The following CTDSPL variants were observed in gnomAD, a reference collection of about 807,000 sequenced individuals.
CTDSPL encodes the protein CTD small phosphatase-like protein.
In CTDSPL, 8 loss-of-function variants were observed where a neutral mutation model predicts 30.5. The ratio of observed to expected loss-of-function variants is 0.26; its 90% CI spans 0.15 to 0.47. CTDSPL has a LOEUF of 0.47. Ranked by LOEUF, CTDSPL falls within the 20% of genes least tolerant of loss-of-function variation. The probability of loss-of-function intolerance (pLI) is 0.99; values close to 1 mark genes in which losing one functional copy is unlikely to be tolerated. For missense variants in CTDSPL, 248 were observed against 366.1 expected (o/e 0.68, Z 2.63); for synonymous variants, 110 against 137.9 (o/e 0.80, Z 1.42).
At chr3:37,951,218 A>C (rs1699103759) in intron 2 of CTDSPL, among the ~76,000 whole-genome samples, 1 of 152,028 alleles carries the variant, frequency 6.6e-6, no homozygotes, top group Non-Finnish European at 1.5e-5. Context: ...AATACAAAAA[A>C]TTAGCTGGGC....
intron 1 of CTDSPL, among the ~76,000 whole-genome samples, chr3:37,895,799 C>T (rs1698384060): frequency 1.3e-5 from 2 of 151,912 alleles, no homozygotes; most frequent in African/African-American, 4.8e-5. Context: ...GAGTTTTTAC[C>T]CAGGTATATA....
intron 1 of CTDSPL, among the ~76,000 whole-genome samples, chr3:37,921,971 C>T (rs1698722131): frequency 6.6e-6 from 1 of 152,198 alleles, no homozygotes; most frequent in Non-Finnish European, 1.5e-5. Flanking sequence ...CGGTGGCTCA[C>T]GCCTCTCATC....
In CTDSPL at chr3:37,982,400, A is replaced by G. The variant is rs1699502140; in HGVS notation, c.*1533A>G. On this transcript the variant is annotated 3_prime_UTR_variant, in exon 8 of 8. Coordinates refer to ENST00000273179, the MANE Select transcript of CTDSPL (RefSeq NM_001008392.2). ...TTGACAACAAGACAGTCTGTAAAGT[A>G]TTGCTCTTAAAAACAATTAAAAAGA... The G allele has an allele frequency of 5.2e-6, 2 of 382,194 alleles. No homozygotes were observed. Among genetic ancestry groups the G allele is most frequent in the Non-Finnish European group, 1.0e-5 (2 of 191,570 alleles). 23.7% of individuals were successfully genotyped at this position (382,194 alleles called of 1,614,324 possible). A position where few individuals can be genotyped will look rare whatever the true frequency, so the allele number is the denominator to read the frequency against.
chr3:37,881,815 A>T (rs1429633623), intron 1 of CTDSPL, among the ~76,000 whole-genome samples: 1 of 152,202 alleles, frequency 6.6e-6, no homozygotes, highest in Non-Finnish European at 1.5e-5. Context: ...AATTTATAAT[A>T]GTTATTTTTG....
In CTDSPL at chr3:37,965,342, C is replaced by T. The variant is rs1021828218; in HGVS notation, c.369+670C>T. ...CTTCCTGCTGGAAAAACAGCAGAAACGGCCTCCATGCAGGAAGAGCTGTGG... is the reference window on the plus strand; with the variant it reads ...CTTCCTGCTGGAAAAACAGCAGAAATGGCCTCCATGCAGGAAGAGCTGTGG... On this transcript the variant is annotated intron_variant, in intron 4 of 7. Coordinates refer to ENST00000273179, the MANE Select transcript of CTDSPL (RefSeq NM_001008392.2). 2.6e-5 allele frequency among the ~76,000 whole-genome samples: 4 copies of T among 152,126 alleles called. No individual in the cohort carries two copies. The East Asian group carries it at 7.7e-4, about 29-fold the overall frequency.
intron 1 of CTDSPL, among the ~76,000 whole-genome samples, chr3:37,883,094 G>A (rs1243695497): frequency 2.0e-5 from 3 of 152,228 alleles, no homozygotes; most frequent in Non-Finnish European, 1.5e-5. Context: ...TAAAGAAACT[G>A]AATGTTTAGT....
chr3:37,914,776 T>G (rs1354194454), intron 1 of CTDSPL, among the ~76,000 whole-genome samples: 1 of 152,146 alleles, frequency 6.6e-6, no homozygotes, highest in Non-Finnish European at 1.5e-5. Context: ...CCTTGTCAGA[T>G]TTTTGTGTCA....
rs1347061434 is a variant in CTDSPL at position 37,862,112 on chromosome 3, GCCGCGCCC to G, written c.-77_-70del. ...GCAGCGGCTGCGAGCGCCCCCCCGC[GCCGCGCCC>G]CCGCGCCCCCCGCGCCGCGCCCCCG... On this transcript the variant is annotated 5_prime_UTR_variant, in exon 1 of 8. Coordinates refer to ENST00000273179, the MANE Select transcript of CTDSPL (RefSeq NM_001008392.2). This position sits in a 1 kb window ranked among gnomAD's most constrained non-coding sequence, Gnocchi z 4.3. The G allele has an allele frequency of 1.8e-5, 8 of 441,356 alleles. No homozygotes were observed. Among genetic ancestry groups the G allele is most frequent in the Non-Finnish European group, 2.4e-5 (8 of 338,856 alleles). The allele number at this position is 441,356 out of a possible 1,614,324, so 27.3% of individuals were successfully genotyped here.
chr3:37,864,467 A>G (rs1697984632), intron 1 of CTDSPL, among the ~76,000 whole-genome samples: 1 of 152,106 alleles, frequency 6.6e-6, no homozygotes. Context: ...TTGTTAACCG[A>G]TTAGAGGAAT....
chr3:37,966,968 A>G (rs1009392448), intron 4 of CTDSPL, among the ~76,000 whole-genome samples: 2 of 152,204 alleles, frequency 1.3e-5, no homozygotes, highest in African/African-American at 4.8e-5. Context: ...TCCATTGAGA[A>G]CTGTGTGTAA....
At chr3:37,891,767 C>T (rs573926369) in intron 1 of CTDSPL, among the ~76,000 whole-genome samples, 2 of 152,260 alleles carry the variant, frequency 1.3e-5, no homozygotes, top group Admixed American at 1.3e-4. Flanking sequence ...GGATTGCCAT[C>T]CCTCACCCTA....
At position 37,975,858 on chromosome 3, in the gene CTDSPL, T is replaced by C. The variant is rs770956598; in HGVS notation, c.669T>C (p.Asn223=). 1 of 1,614,144 alleles carries C rather than the reference T, an allele frequency of 6.2e-7. No homozygotes were observed. Among genetic ancestry groups the C allele is most frequent in the African/African-American group, 1.3e-5 (1 of 75,036 alleles). Residue 223 remains asparagine, a synonymous_variant, in exon 7 of 8, where the codon AAT becomes AAC. Coordinates refer to ENST00000273179, the MANE Select transcript of CTDSPL (RefSeq NM_001008392.2). The surrounding 1 kb of genome is among the most constrained non-coding windows in gnomAD (Gnocchi z 4.9). The part of the protein sequence containing the change: ...RELSKVIIVD[N]SPASYIFHPE... ...TGAGCAAAGTGATCATTGTTGACAA[T>C]TCCCCTGCCTCATACATCTTCCATC...
intron 1 of CTDSPL, among the ~76,000 whole-genome samples, chr3:37,886,135 G>A (rs115642083): frequency 2.7e-4 from 41 of 152,192 alleles, no homozygotes; most frequent in African/African-American, 9.2e-4. Context: ...CACCCTTCAC[G>A]TCCTACTTGG....
chr3:37,941,205 C>G (rs1228346251), intron 1 of CTDSPL, among the ~76,000 whole-genome samples: 1 of 150,030 alleles, frequency 6.7e-6, no homozygotes, highest in East Asian at 2.0e-4. Context: ...ACACAGGGAC[C>G]ATGCCCCACA....
chr3:37,908,667 G>C (rs1698545283), intron 1 of CTDSPL, among the ~76,000 whole-genome samples: 1 of 152,118 alleles, frequency 6.6e-6, no homozygotes, highest in African/African-American at 2.4e-5. Context: ...TGAATTACTG[G>C]GTAAAGGAGT....
chr3:37,945,004 G>A (rs1305213349), intron 1 of CTDSPL, among the ~76,000 whole-genome samples: 1 of 149,404 alleles, frequency 6.7e-6, no homozygotes, highest in East Asian at 1.9e-4. Context: ...GTTAGTTATG[G>A]GGAAAGTTCG....
At chr3:37,906,351 C>T (rs373803312) in intron 1 of CTDSPL, among the ~76,000 whole-genome samples, 3 of 152,312 alleles carry the variant, frequency 2.0e-5, no homozygotes, top group Middle Eastern at 3.4e-3. Flanking sequence ...TGGGCCTAGG[C>T]ATGTAAATGT....
intron 1 of CTDSPL, among the ~76,000 whole-genome samples, chr3:37,910,706 G>T (rs189633423): frequency 7.6e-4 from 116 of 152,170 alleles, no homozygotes; most frequent in Admixed American, 5.2e-3. Context: ...TATCTGCTTT[G>T]ATTCTAAAAT....
chr3:37,942,901 A>G (rs1023364643), intron 1 of CTDSPL, among the ~76,000 whole-genome samples: 1 of 150,342 alleles, frequency 6.7e-6, no homozygotes, highest in Non-Finnish European at 1.5e-5. Flanking sequence ...GATGGGCTTT[A>G]CCTGTCATGT....
Sources: allele counts gnomAD v4.1 joint callset (sites outside exome capture counted in the v4.1 genomes callset), GRCh38; gene constraint gnomAD v4.1.1; non-coding constraint Gnocchi (gnomAD v3.1); transcripts MANE v1.5; gene names NCBI Gene and HGNC (gene_info 2026-07-23, HGNC 2026-07-21).